Variants in FMO5 observed in about 807,000 individuals in gnomAD.
FMO5 encodes flavin containing dimethylaniline monoxygenase 5.
In FMO5, 51 loss-of-function variants were observed where a neutral mutation model predicts 43.6. That is an observed-to-expected ratio of 1.17 (90% CI 0.93 to 1.48). The LOEUF (loss-of-function observed/expected upper bound fraction) is 1.48, where lower values mean the gene tolerates loss of function less well. Ranked by LOEUF, FMO5 falls within the 40% of genes most tolerant of loss-of-function variation. The pLI is 0.00. For missense variants in FMO5, 644 were observed against 643.0 expected, an observed-to-expected ratio of 1.00 and a Z score of -0.02; for synonymous variants, 187 against 216.5, an observed-to-expected ratio of 0.86 and a Z score of 1.20.
intron 7 of FMO5, among the ~76,000 whole-genome samples, chr1:147,198,850 CAAAAAAAAAA>C (rs151035141): frequency 3.9e-5 from 2 of 51,764 alleles, no homozygotes; most frequent in South Asian, 2.0e-3. Flanking sequence ...GACTGCATCT[CAAAAAAAAAA>C]AAAAAAAAAA....
At chr1:147,191,435 C>T (rs190969960) in intron 7 of FMO5, among the ~76,000 whole-genome samples, 9 of 152,072 alleles carry the variant, frequency 5.9e-5, no homozygotes, top group South Asian at 4.2e-4. Flanking sequence ...TGATGGCCAG[C>T]GATGATGAGA....
At chr1:147,224,241 T>C (rs1663600277) in intron 2 of FMO5, 2 of 229,500 alleles carry the variant, frequency 8.7e-6, no homozygotes, top group South Asian at 5.7e-5. Flanking sequence ...TGGACAGATA[T>C]GATGAGATTC....
intron 6 of FMO5, among the ~76,000 whole-genome samples, chr1:147,207,949 G>A (rs1389451971): frequency 6.6e-6 from 1 of 152,158 alleles, no homozygotes; most frequent in African/African-American, 2.4e-5. Flanking sequence ...CCTATGAAAT[G>A]TTTCTAAGAA....
chr1:147,197,942 A>T (rs187076020), intron 7 of FMO5, among the ~76,000 whole-genome samples: 89 of 152,284 alleles, frequency 5.8e-4, no homozygotes, highest in Non-Finnish European at 1.0e-3. Flanking sequence ...AAGTTCAGAG[A>T]TCTTCCAAGG....
intron 3 of FMO5, 132 bp from the exon 4 acceptor site, chr1:147,213,602 C>G (rs1661443397): frequency 1.4e-6 from 1 of 727,280 alleles, no homozygotes; most frequent in Admixed American, 3.2e-5. Flanking sequence ...TTTTCATACT[C>G]CACAAATAAG....
At chr1:147,215,157 T>C (rs1553924682) in intron 3 of FMO5, 1 of 152,252 alleles carries the variant, frequency 6.6e-6, no homozygotes, top group Admixed American at 6.5e-5. Flanking sequence ...ACAATCATCT[T>C]GTTTTACAAA....
At position 147,209,342 on chromosome 1, in the gene FMO5, G is replaced by C. The variant is rs1032530623; in HGVS notation, c.631-291C>G. On this transcript the variant is annotated intron_variant, in intron 5 of 8. Coordinates refer to ENST00000254090, the MANE Select transcript of FMO5 (RefSeq NM_001461.4). ...AGTCCCAGCTACTCGGGAGGCTGAGGCAGGAGAATGGCGTCAACCTGGGAG... is the reference window on the plus strand; with the variant it reads ...AGTCCCAGCTACTCGGGAGGCTGAGCCAGGAGAATGGCGTCAACCTGGGAG... Among the ~76,000 whole-genome samples the C allele has an allele frequency of 3.3e-5, 5 of 151,526 alleles. No individual in the cohort carries two copies. The East Asian group carries it at 9.7e-4, about 30-fold the overall frequency.
At chr1:147,192,010 A>C (rs1449050799) in intron 7 of FMO5, among the ~76,000 whole-genome samples, 1 of 152,088 alleles carries the variant, frequency 6.6e-6, no homozygotes, top group African/African-American at 2.4e-5. Flanking sequence ...TTTTGGTTCC[A>C]TATGAACTTT....
rs182245513 is a variant in FMO5 at position 147,215,953 on chromosome 1, T to G, written c.136-11A>C. 468 of 1,591,850 alleles carry G rather than the reference T, an allele frequency of 2.9e-4. 1 individual carries two copies. The highest frequency in any genetic ancestry group is 3.8e-4 in the Non-Finnish European group (444 of 1,167,292). On this transcript the variant is annotated splice_polypyrimidine_tract_variant and intron_variant, in intron 2 of 8. Transcript: ENST00000254090. ...TTCTTCAGGATTTTCCTGCAATAAA[T>G]AGAAAGTATTCATAGCAACTTGAGG... is the stretch of plus-strand genomic sequence containing the variant.
chr1:147,203,411 T>C (rs1378679411), intron 6 of FMO5: 9 of 915,400 alleles, frequency 9.8e-6, no homozygotes, highest in Non-Finnish European at 1.5e-5. Context: ...GACCAGTGTT[T>C]TCCCAGGTAA....
chr1:147,219,409 G>A (rs1324764655), intron 2 of FMO5, among the ~76,000 whole-genome samples: 1 of 151,134 alleles, frequency 6.6e-6, no homozygotes, highest in African/African-American at 2.4e-5. Context: ...TTTTATTTTT[G>A]TTAAAATGTT....
At position 147,187,184 on chromosome 1, in the gene FMO5, C is replaced by G. The variant is rs1662136320; in HGVS notation, c.1318G>C (p.Ala440Pro). The G allele has an allele frequency of 1.2e-6, 2 of 1,614,000 alleles. No individual in the cohort carries two copies. The highest frequency in any genetic ancestry group is 2.7e-5 in the African/African-American group (2 of 74,916). Residue 440 changes from alanine (A) to proline (P), a missense_variant, in exon 9 of 9, where the codon GCT becomes CCT. Ala to Pro is a conservative substitution (Grantham distance 27). Coordinates refer to ENST00000254090, the MANE Select transcript of FMO5 (RefSeq NM_001461.4). Reference protein sequence around the residue: ...GDYIDTMEELADLVGVRPNLL... With the variant: ...GDYIDTMEELPDLVGVRPNLL... ...TTGGGCCTGACCCCCACCAAATCAGCAAGCTCTTCCATGGTATCTATGTAG... is the reference window on the plus strand; with the variant it reads ...TTGGGCCTGACCCCCACCAAATCAGGAAGCTCTTCCATGGTATCTATGTAG...
chr1:147,187,804 G>T (rs1655896439), intron 8 of FMO5, among the ~76,000 whole-genome samples: 1 of 152,192 alleles, frequency 6.6e-6, no homozygotes, highest in Admixed American at 6.5e-5. Context: ...ACCAAGTGCA[G>T]ATTTAAAGAT....
intron 2 of FMO5, among the ~76,000 whole-genome samples, chr1:147,222,082 AAG>A (rs1553926391): frequency 6.6e-6 from 1 of 152,188 alleles, no homozygotes; most frequent in African/African-American, 2.4e-5. Context: ...TGTGTAAGAA[AAG>A]AGAGGCTAGG....
At position 147,215,769 on chromosome 1, in the gene FMO5, C is replaced by T. The variant is rs782235245; in HGVS notation, c.309G>A (p.Lys103=). 28 of 1,606,324 alleles carry T rather than the reference C, an allele frequency of 1.7e-5. No individual in the cohort carries two copies. Among genetic ancestry groups the T allele is most frequent in the Non-Finnish European group, 2.4e-5 (28 of 1,177,644 alleles). Reference sequence around the variant, plus strand: ...AATTTTCTACCTTAAATCGAATATACTTTAGAAGGTCAAATTCTTTGGCAT... The same window carrying T: ...AATTTTCTACCTTAAATCGAATATATTTTAGAAGGTCAAATTCTTTGGCAT... ...RMYAKEFDLL[K]YIRFKTTVCS... is the part of the protein sequence containing the mutation. Residue 103 remains lysine (K), a synonymous_variant, in exon 3 of 9, where the codon AAG becomes AAA. Transcript: ENST00000254090.
At chr1:147,204,395 C>G (rs187513858) in intron 6 of FMO5, 3 of 1,103,032 alleles carry the variant, frequency 2.7e-6, no homozygotes, top group Admixed American at 3.4e-5. Flanking sequence ...ATAAGCTTGG[C>G]CAGAAATACT....
intron 2 of FMO5, among the ~76,000 whole-genome samples, chr1:147,221,924 T>C (rs1436282529): frequency 6.6e-6 from 1 of 152,206 alleles, no homozygotes. Flanking sequence ...CAGAGCAGTA[T>C]TGGGTTAGTG....
intron 2 of FMO5, among the ~76,000 whole-genome samples, chr1:147,219,610 A>G (rs1225707756): frequency 6.6e-6 from 1 of 152,150 alleles, no homozygotes; most frequent in Non-Finnish European, 1.5e-5. Context: ...CCTATGGAAC[A>G]TTGCACTAGA....
chr1:147,200,218 C>T (rs1553920588), intron 7 of FMO5, among the ~76,000 whole-genome samples: 1 of 152,146 alleles, frequency 6.6e-6, no homozygotes, highest in Non-Finnish European at 1.5e-5. Flanking sequence ...CAAGATTTCA[C>T]TCCTTGATTC....
Sources: gnomAD v4.1 joint callset for allele counts (sites outside exome capture counted in the v4.1 genomes callset) on GRCh38, gnomAD v4.1.1 for gene constraint, MANE v1.5 for transcripts, NCBI Gene and HGNC (gene_info 2026-07-23, HGNC 2026-07-21) for gene names.